GRIN2A: variants seen among roughly 807,000 people sequenced by gnomAD.
GRIN2A encodes the protein glutamate receptor ionotropic, NMDA 2A.
In GRIN2A, 22 loss-of-function variants were observed where a neutral mutation model predicts 113.4. The observed-to-expected ratio is 0.19, with a 90% confidence interval of 0.14 to 0.28. The LOEUF (loss-of-function observed/expected upper bound fraction) is 0.28. Ranked by LOEUF, GRIN2A falls within the 10% of genes least tolerant of loss-of-function variation. The probability of loss-of-function intolerance (pLI) is 1.00; values close to 1 mark genes in which losing one functional copy is unlikely to be tolerated. For synonymous variants in GRIN2A, 827 were observed against 738.4 expected (o/e 1.12, Z -1.94); for missense variants, 1,502 against 1,887.0 (o/e 0.80, Z 3.78).
intron 3 of GRIN2A, among the ~76,000 whole-genome samples, chr16:9,922,426 T>G: frequency 6.6e-6 from 1 of 152,210 alleles, no homozygotes; most frequent in East Asian, 1.9e-4. Flanking sequence ...TGGGTCCTAT[T>G]TCCACTACCT....
intron 2 of GRIN2A, among the ~76,000 whole-genome samples, chr16:10,109,456 A>G (rs1008270410): frequency 2.0e-5 from 3 of 152,284 alleles, no homozygotes; most frequent in South Asian, 4.1e-4. Context: ...AAACCAGAGG[A>G]AGCCATTATA....
chr16:10,153,694 C>G (rs2049630663), intron 2 of GRIN2A, among the ~76,000 whole-genome samples: 1 of 152,104 alleles, frequency 6.6e-6, no homozygotes, highest in South Asian at 2.1e-4. Context: ...ATTGAGACTC[C>G]AATACCAAAC....
At chr16:10,034,360 A>G (rs1429360879) in intron 2 of GRIN2A, among the ~76,000 whole-genome samples, 3 of 151,794 alleles carry the variant, frequency 2.0e-5, no homozygotes, top group African/African-American at 7.3e-5. Flanking sequence ...CCCTATCTCT[A>G]CTAAAAATCC....
At chr16:10,151,623 C>T (rs2049575979) in intron 2 of GRIN2A, among the ~76,000 whole-genome samples, 1 of 152,208 alleles carries the variant, frequency 6.6e-6, no homozygotes, top group African/African-American at 2.4e-5. Flanking sequence ...ATTTTTGCAT[C>T]CTTCAAATCA....
At position 10,100,111 on chromosome 16, in the gene GRIN2A, G is replaced by C. The variant is rs1026463548; in HGVS notation, c.414+79887C>G. Among the ~76,000 whole-genome samples the C allele has an allele frequency of 2.0e-5, 3 of 152,230 alleles. No individual in the cohort carries two copies. The East Asian group carries it at 5.8e-4, about 29-fold the overall frequency. On this transcript the variant is annotated intron_variant, in intron 2 of 12. Coordinates refer to ENST00000330684, the MANE Select transcript of GRIN2A (RefSeq NM_001134407.3). Reference sequence around the variant, plus strand: ...AGGGGGGACATGAGGGCAACTGCAAGAAGGCCAATATTACTTTTGCAAGGA... The same window carrying C: ...AGGGGGGACATGAGGGCAACTGCAACAAGGCCAATATTACTTTTGCAAGGA...
chr16:9,847,647 T>TATA (rs796126110), intron 5 of GRIN2A, among the ~76,000 whole-genome samples: 21 of 148,648 alleles, frequency 1.4e-4, no homozygotes, highest in African/African-American at 5.0e-4. Context: ...CATAAAAATA[T>TATA]ATGTTTTATA....
Position 9,849,744 on chromosome 16 carries a change from C to T in GRIN2A, c.1328+12G>A. ...TTGGGCACGTTCAGGTGACAGCATT[C>T]CTGCCACTCACTTGATTTTGACGAA... On this transcript the variant is annotated intron_variant, in intron 5 of 12. Transcript: ENST00000330684. The T allele has an allele frequency of 6.2e-7, 1 of 1,606,440 alleles. No homozygotes were observed.
At chr16:10,095,358 C>T (rs1051399828) in intron 2 of GRIN2A, among the ~76,000 whole-genome samples, 8 of 152,016 alleles carry the variant, frequency 5.3e-5, no homozygotes, top group South Asian at 2.1e-4. Context: ...AGGTGCTGAC[C>T]GATAAAATCT....
At chr16:9,959,332 G>C (rs1159529204) in intron 2 of GRIN2A, among the ~76,000 whole-genome samples, 1 of 152,136 alleles carries the variant, frequency 6.6e-6, no homozygotes, top group Non-Finnish European at 1.5e-5. Flanking sequence ...TAAACCTAGA[G>C]CGAAATTATG....
chr16:10,070,556 T>C lies in GRIN2A; in HGVS notation c.414+109442A>G, dbSNP rs139190860. Among the ~76,000 whole-genome samples the C allele has an allele frequency of 4.9e-3, 742 of 152,332 alleles. 5 individuals are homozygous for C. The highest frequency in any genetic ancestry group is 5.5e-3 in the Non-Finnish European group (372 of 68,020). On this transcript the variant is annotated intron_variant, in intron 2 of 12. Transcript: ENST00000330684. Reference sequence around the variant, plus strand: ...TACCAGCGTGGCCTGGGATGATTTGTTCTTAAACTTCAAGGGCTGCTTGAA... The same window carrying C: ...TACCAGCGTGGCCTGGGATGATTTGCTCTTAAACTTCAAGGGCTGCTTGAA...
chr16:9,801,018 G>C (rs1903329958), intron 10 of GRIN2A, among the ~76,000 whole-genome samples: 2 of 152,312 alleles, frequency 1.3e-5, no homozygotes, highest in East Asian at 1.9e-4. Context: ...GCAACCTCAG[G>C]AAAGTCACTT....
intron 2 of GRIN2A, among the ~76,000 whole-genome samples, chr16:9,951,677 A>T (rs1337150650): frequency 6.6e-6 from 1 of 152,206 alleles, no homozygotes; most frequent in African/African-American, 2.4e-5. Flanking sequence ...GAAAAAAATG[A>T]TGGTTTGTTT....
intron 2 of GRIN2A, among the ~76,000 whole-genome samples, chr16:10,103,332 C>T (rs138772504): frequency 6.6e-6 from 1 of 152,224 alleles, no homozygotes; most frequent in African/African-American, 2.4e-5. Flanking sequence ...GCTCTCCTTG[C>T]ACAAGCTGGG....
chr16:9,963,853 C>T (rs4782109), intron 2 of GRIN2A, among the ~76,000 whole-genome samples: 31,327 of 152,190 alleles, frequency 0.21, 3,404 homozygotes, highest in Non-Finnish European at 0.23. Flanking sequence ...AACTCCCTGC[C>T]TCATGGGGCT....
At chr16:9,796,853 A>T (rs191525570) in intron 11 of GRIN2A, among the ~76,000 whole-genome samples, 37 of 152,324 alleles carry the variant, frequency 2.4e-4, no homozygotes, top group Admixed American at 1.4e-3. Context: ...ATCTCACAGC[A>T]AAAAGCTGAC....
At chr16:10,098,784 C>T (rs1309974314) in intron 2 of GRIN2A, among the ~76,000 whole-genome samples, 1 of 152,004 alleles carries the variant, frequency 6.6e-6, no homozygotes, top group Non-Finnish European at 1.5e-5. Flanking sequence ...AAGAATGACA[C>T]AATGGACGCT....
At chr16:10,176,575 C>T (rs578034301) in intron 2 of GRIN2A, among the ~76,000 whole-genome samples, 1 of 152,134 alleles carries the variant, frequency 6.6e-6, no homozygotes, top group East Asian at 1.9e-4. Context: ...TGGAAACCAT[C>T]ATTCTCAGCA....
intron 2 of GRIN2A, among the ~76,000 whole-genome samples, chr16:10,173,143 T>C (rs2050076633): frequency 6.6e-6 from 1 of 152,206 alleles, no homozygotes; most frequent in South Asian, 2.1e-4. Context: ...GAGGTGTTGA[T>C]GATCGCATCT....
intron 2 of GRIN2A, among the ~76,000 whole-genome samples, chr16:10,030,436 A>G (rs930599062): frequency 1.3e-5 from 2 of 152,120 alleles, no homozygotes; most frequent in African/African-American, 4.8e-5. Flanking sequence ...ACGTGCTCAG[A>G]CTTCACCCCT....
Sources: gnomAD v4.1 joint callset for allele counts (sites outside exome capture counted in the v4.1 genomes callset) on GRCh38, gnomAD v4.1.1 for gene constraint, MANE v1.5 for transcripts, NCBI Gene and HGNC (gene_info 2026-07-23, HGNC 2026-07-21) for gene names.